FIBCD1: variants seen among roughly 807,000 people sequenced by gnomAD.
FIBCD1 encodes the protein fibrinogen C domain containing 1, also known as fibrinogen C domain-containing protein 1.
In FIBCD1, 47 loss-of-function variants were observed where a neutral mutation model predicts 45.1. The observed-to-expected ratio is 1.04, with a 90% CI of 0.82 to 1.33. The LOEUF (loss-of-function observed/expected upper bound fraction) is 1.33. Ranked by LOEUF, FIBCD1 falls within the 40% of genes most tolerant of loss-of-function variation. The probability of loss-of-function intolerance (pLI) is 0.00; values close to 1 mark genes in which losing one functional copy is unlikely to be tolerated. For missense variants in FIBCD1, 653 were observed against 682.2 expected (o/e 0.96, Z 0.48); for synonymous variants, 313 against 308.1 (o/e 1.02, Z -0.17).
rs769863085 is a variant in FIBCD1, at chr9:130,929,719, G to T, written c.400C>A (p.Gln134Lys). 4.4e-6 allele frequency: 7 copies of T among 1,592,124 alleles called. No homozygotes were observed. Among genetic ancestry groups the T allele is most frequent in the Non-Finnish European group, 6.0e-6 (7 of 1,170,716 alleles). The change falls in exon 2 of 7, where the codon CAG becomes AAG. Residue 134 changes from glutamine (Q) to lysine (K), a missense_variant. Gln to Lys is a moderately conservative substitution (Grantham distance 53). Transcript: ENST00000372338. ...TCGGCCAGCGTGTCCAGCAGCTCCTGCTCCTGGTCGCCCACCAGCCGTGGC... is the reference window on the plus strand; with the variant it reads ...TCGGCCAGCGTGTCCAGCAGCTCCTTCTCCTGGTCGCCCACCAGCCGTGGC... ...AQPRLVGDQE[Q>K]ELLDTLADQL...
At position 130,918,083 on chromosome 9, in the gene FIBCD1, G is replaced by T. The variant is rs74604950; in HGVS notation, c.849+5661C>A. Among the ~76,000 whole-genome samples the T allele has an allele frequency of 3.2e-3, 486 of 152,330 alleles. 1 individual carries two copies. The highest frequency in any genetic ancestry group is 6.8e-3 in the Middle Eastern group (2 of 294). ...CGCACAAGCCAGCAGCCATAGGGCA[G>T]AGCAGCTCCCACCCTGGCACATTCC... On this transcript the variant is annotated intron_variant, in intron 4 of 6. Transcript: ENST00000372338.
intron 2 of FIBCD1, among the ~76,000 whole-genome samples, chr9:130,928,010 T>G (rs1174917431): frequency 6.6e-6 from 1 of 152,176 alleles, no homozygotes; most frequent in Non-Finnish European, 1.5e-5. Context: ...CCAGGCTGCC[T>G]GTAGGCACAG....
chr9:130,914,197 TCCCAGACTCTGGCCTCCACCCTCC>T, intron 4 of FIBCD1, among the ~76,000 whole-genome samples: 1 of 151,932 alleles, frequency 6.6e-6, no homozygotes, highest in African/African-American at 2.4e-5. Flanking sequence ...TCTGCTCCTC[TCCCAGACTCTGGCCTCCACCCTCC>T]CCCAGCCCTC....
chr9:130,912,987 G>A (rs896754053), intron 4 of FIBCD1, among the ~76,000 whole-genome samples: 3 of 152,166 alleles, frequency 2.0e-5, no homozygotes, highest in Admixed American at 6.5e-5. Context: ...CTGGGAAACC[G>A]GAGTCCAGGC....
intron 1 of FIBCD1, among the ~76,000 whole-genome samples, chr9:130,934,764 C>T (rs1205619432): frequency 6.6e-6 from 1 of 152,210 alleles, no homozygotes; most frequent in East Asian, 1.9e-4. Flanking sequence ...ACCTGTTGCC[C>T]CCACAAAGCT....
chr9:130,915,188 G>A (rs1832136818), intron 4 of FIBCD1, among the ~76,000 whole-genome samples: 1 of 152,152 alleles, frequency 6.6e-6, no homozygotes, highest in African/African-American at 2.4e-5. Context: ...CCAAGAGCTG[G>A]TCCCTGCACC....
Position 130,905,250 on chromosome 9 carries a change from G to GT in FIBCD1, c.1109dup (p.Asp370GlufsTer24). On this transcript the variant is annotated frameshift_variant, in exon 6 of 7. Transcript: ENST00000372338. LOFTEE classifies it high-confidence loss of function. ...GAGCCTCACCTGCAGTGCCGGAATA[G>GT]TCAGCCACGGTGAGCGGGTACCCGT... 6.2e-7 allele frequency: 1 copy of GT among 1,613,586 alleles called. No homozygotes were observed.
intron 1 of FIBCD1, among the ~76,000 whole-genome samples, chr9:130,937,633 T>G (rs1040837809): frequency 2.0e-5 from 3 of 152,142 alleles, no homozygotes; most frequent in Non-Finnish European, 2.9e-5. Flanking sequence ...AATTTAAAAT[T>G]TAAAATGGGC....
At chr9:130,937,099 G>A (rs1564342655) in intron 1 of FIBCD1, among the ~76,000 whole-genome samples, 1 of 152,186 alleles carries the variant, frequency 6.6e-6, no homozygotes, top group African/African-American at 2.4e-5. Flanking sequence ...GTCACTGCCT[G>A]TAAGGGACCA....
chr9:130,929,896 C>T lies in FIBCD1; in HGVS notation c.223G>A (p.Ala75Thr), dbSNP rs1317989550. 5.8e-6 allele frequency: 9 copies of T among 1,549,390 alleles called. No individual in the cohort carries two copies. The highest frequency in any genetic ancestry group is 2.0e-5 in the Admixed American group (1 of 50,944). The change falls in exon 2 of 7, where the codon GCC (alanine) becomes ACC (threonine). Residue 75 changes from alanine to threonine, a missense_variant. By Grantham distance (58) the Ala-to-Thr change is moderately conservative (BLOSUM62 0). Coordinates refer to ENST00000372338, the MANE Select transcript of FIBCD1 (RefSeq NM_032843.5). ...TCCACAGTGACCAGGGCGCTGTTGG[C>T]GCTGGCAGCCCCAGTGCTGACGACA... ...PPVVSTGAAS[A>T]NSALVTVERA...
intron 2 of FIBCD1, among the ~76,000 whole-genome samples, chr9:130,927,138 A>G (rs1832375040): frequency 6.6e-6 from 1 of 151,902 alleles, no homozygotes; most frequent in African/African-American, 2.4e-5. Context: ...TGCTACTTAG[A>G]AGGCTGAGGT....
chr9:130,908,829 G>A (rs999422322), intron 5 of FIBCD1, among the ~76,000 whole-genome samples: 2 of 152,140 alleles, frequency 1.3e-5, no homozygotes, highest in Non-Finnish European at 2.9e-5. Context: ...GCAGGTCAGA[G>A]AGGGCCCTGC....
At position 130,926,973 on chromosome 9, in the gene FIBCD1, C is replaced by T. The variant is rs1832372331; in HGVS notation, c.553-2577G>A. ...CCTACCAGAAAAGGGATTTTCGGCC[C>T]AACACAGTAATCTTAGCACGTGGGG... is the stretch of plus-strand genomic sequence containing the variant. On this transcript the variant is annotated intron_variant, in intron 2 of 6. Transcript: ENST00000372338. The surrounding 1 kb of genome is among the most constrained non-coding windows in gnomAD (Gnocchi z 4.1). 6.6e-6 allele frequency among the ~76,000 whole-genome samples: 1 copy of T among 152,086 alleles called. No individual in the cohort carries two copies. Among genetic ancestry groups the T allele is most frequent in the Non-Finnish European group, 1.5e-5 (1 of 68,016 alleles).
Position 130,924,317 on chromosome 9 carries a change from C to G in FIBCD1, c.632G>C (p.Arg211Pro). ...SDILDALQRD[R>P]GLGRPRNKAD... Reference sequence around the variant, plus strand: ...CTTGTTGCGGGGCCGGCCCAGCCCCCGGTCCCTCTGCAGGGCATCCAGGAT... The same window carrying G: ...CTTGTTGCGGGGCCGGCCCAGCCCCGGGTCCCTCTGCAGGGCATCCAGGAT... The change falls in exon 3 of 7, where the codon CGG becomes CCG. Residue 211 changes from arginine (R) to proline (P), a missense_variant. Transcript: ENST00000372338. The G allele has an allele frequency of 6.2e-7, 1 of 1,606,428 alleles. No individual in the cohort carries two copies. The highest frequency in any genetic ancestry group is 8.5e-7 in the Non-Finnish European group (1 of 1,177,842).
At position 130,904,025 on chromosome 9, in the gene FIBCD1, C is replaced by A. The variant is rs780358769; in HGVS notation, c.*39G>T. The A allele has an allele frequency of 1.2e-6, 2 of 1,602,670 alleles. No homozygotes were observed. Among genetic ancestry groups the A allele is most frequent in the Admixed American group, 3.4e-5 (2 of 58,098 alleles). The stretch of plus-strand genomic sequence containing the variant: ...GAGTGAGGTGGGGTCGGGGATGGGG[C>A]GACAGGGACCAGCAGGGCCAAGGAC... On this transcript the variant is annotated 3_prime_UTR_variant, in exon 7 of 7. Transcript: ENST00000372338.
At position 130,938,532 on chromosome 9, in the gene FIBCD1, G is replaced by A; in HGVS notation, c.72+4C>T. 1 of 1,488,542 alleles carries A rather than the reference G, an allele frequency of 6.7e-7. No homozygotes were observed. Among genetic ancestry groups the A allele is most frequent in the African/African-American group, 1.5e-5 (1 of 68,422 alleles). The allele number at this position is 1,488,542 out of a possible 1,614,324, so 92.2% of individuals were successfully genotyped here. The stretch of plus-strand genomic sequence containing the variant: ...AGGCCCCGTGTCCCAGCGCCCGAGC[G>A]TACCTGCGGCTTGTCGCGCGGCCGG... On this transcript the variant is annotated splice_donor_region_variant and intron_variant, in intron 1 of 6. Transcript: ENST00000372338.
chr9:130,908,994 G>T (rs1224427508), intron 5 of FIBCD1, among the ~76,000 whole-genome samples: 1 of 151,986 alleles, frequency 6.6e-6, no homozygotes, highest in African/African-American at 2.4e-5. Context: ...ATCCTTACAG[G>T]CCTGGAGCCC....
rs543539696 is a variant in FIBCD1 at position 130,903,299 on chromosome 9, C to T, written c.*765G>A. 1.8e-3 allele frequency: 276 copies of T among 153,526 alleles called. 2 individuals are homozygous for T. The highest frequency in any genetic ancestry group is 6.7e-3 in the Middle Eastern group (2 of 298). The allele number at this position is 153,526 out of a possible 1,614,324, so 9.5% of individuals were successfully genotyped here. ...GCCCCAGCTGCCCCAGGTAGGAGGA[C>T]GGCCGGGAGCTGGGTGGGGGATGGG... On this transcript the variant is annotated 3_prime_UTR_variant, in exon 7 of 7. Coordinates refer to ENST00000372338, the MANE Select transcript of FIBCD1 (RefSeq NM_032843.5).
At chr9:130,934,084 C>T (rs1178105752) in intron 1 of FIBCD1, among the ~76,000 whole-genome samples, 1 of 152,162 alleles carries the variant, frequency 6.6e-6, no homozygotes, top group East Asian at 1.9e-4. Context: ...GAGGCTTGCA[C>T]AGAGCCTGGG....
Sources: allele counts gnomAD v4.1 joint callset (sites outside exome capture counted in the v4.1 genomes callset), GRCh38; gene constraint gnomAD v4.1.1; non-coding constraint Gnocchi (gnomAD v3.1); transcripts MANE v1.5; gene names NCBI Gene and HGNC (gene_info 2026-07-23, HGNC 2026-07-21).